The following TACR3 variants were observed in gnomAD, a reference collection of about 807,000 sequenced individuals.
The protein encoded by TACR3 is tachykinin receptor 3.
In TACR3, 34 loss-of-function variants were observed where a neutral mutation model predicts 35.0. The observed-to-expected ratio is 0.97, with a 90% CI of 0.74 to 1.30. TACR3 has a LOEUF of 1.30. Among genes scored for constraint, TACR3 ranks in the 50% most tolerant of loss-of-function variants. TACR3 has a pLI of 0.00. For missense variants in TACR3, 558 were observed against 591.7 expected (o/e 0.94, Z 0.59); for synonymous variants, 233 against 221.1 (o/e 1.05, Z -0.48).
intron 1 of TACR3, among the ~76,000 whole-genome samples, chr4:103,704,750 G>C (rs1722747461): frequency 6.6e-6 from 1 of 152,056 alleles, no homozygotes; most frequent in South Asian, 2.1e-4. Context: ...ACCATACCAA[G>C]TGCTAAAGAA....
chr4:103,652,063 G>T (rs1214626270), intron 3 of TACR3, among the ~76,000 whole-genome samples: 4 of 152,026 alleles, frequency 2.6e-5, no homozygotes, highest in Admixed American at 2.6e-4. Flanking sequence ...TTGTGGGGAG[G>T]TGGTACATGC....
At chr4:103,717,356 T>C (rs1723111769) in intron 1 of TACR3, among the ~76,000 whole-genome samples, 2 of 152,266 alleles carry the variant, frequency 1.3e-5, no homozygotes, top group Middle Eastern at 3.4e-3. Context: ...AATTTGTTAA[T>C]AGTTTTAATG....
At chr4:103,637,453 C>T (rs1454248349) in intron 3 of TACR3, among the ~76,000 whole-genome samples, 2 of 152,064 alleles carry the variant, frequency 1.3e-5, no homozygotes, top group African/African-American at 4.8e-5. Flanking sequence ...ATAATAAGAG[C>T]TATCTATGAC....
chr4:103,594,337 C>T (rs945518728), intron 3 of TACR3, among the ~76,000 whole-genome samples: 1 of 152,046 alleles, frequency 6.6e-6, no homozygotes, highest in Non-Finnish European at 1.5e-5. Context: ...GCCACCACGC[C>T]TGGCTAATTT....
intron 1 of TACR3, among the ~76,000 whole-genome samples, chr4:103,666,901 A>G (rs551710688): frequency 2.0e-5 from 3 of 152,294 alleles, no homozygotes; most frequent in South Asian, 2.1e-4. Context: ...AACCACTTCC[A>G]TAAGTAACTT....
At chr4:103,671,332 T>G (rs540419763) in intron 1 of TACR3, among the ~76,000 whole-genome samples, 2 of 152,162 alleles carry the variant, frequency 1.3e-5, no homozygotes, top group South Asian at 4.1e-4. Flanking sequence ...TCCCTCTTCC[T>G]AATATTTTCA....
rs1353289644 is a variant in TACR3, at chr4:103,658,407, T to C, written c.549-4A>G. On this transcript the variant is annotated splice_polypyrimidine_tract_variant and splice_region_variant and intron_variant, in intron 1 of 4. Transcript: ENST00000304883. The stretch of plus-strand genomic sequence containing the variant: ...GGGATCAATAATAGCCATATACCTA[T>C]ATAAAAACAAACAAAACCATTTCAT... The C allele has an allele frequency of 2.5e-6, 4 of 1,612,422 alleles. No individual in the cohort carries two copies. Among genetic ancestry groups the C allele is most frequent in the Admixed American group, 1.7e-5 (1 of 59,906 alleles).
intron 1 of TACR3, among the ~76,000 whole-genome samples, chr4:103,688,528 C>A (rs1234657752): frequency 2.0e-5 from 3 of 150,572 alleles, no homozygotes; most frequent in Admixed American, 6.6e-5. Context: ...CCAGAATCTA[C>A]AATGAACTCA....
intron 3 of TACR3, among the ~76,000 whole-genome samples, chr4:103,599,490 T>C (rs1466003709): frequency 2.0e-5 from 3 of 152,224 alleles, no homozygotes; most frequent in African/African-American, 4.8e-5. Context: ...TCCAACACTA[T>C]GTTGAATAGG....
intron 1 of TACR3, among the ~76,000 whole-genome samples, chr4:103,711,464 C>T (rs1410616477): frequency 1.3e-5 from 2 of 152,146 alleles, no homozygotes; most frequent in Non-Finnish European, 2.9e-5. Flanking sequence ...TAAGAACTCT[C>T]AATAAATTAG....
rs75773824 is a variant in TACR3 at position 103,625,913 on chromosome 4, G to C, written c.888+30281C>G. On this transcript the variant is annotated intron_variant, in intron 3 of 4. Transcript: ENST00000304883. ...TCCAAAAATAACTGTGCTTTTATCAGAAGAGATTAGGACACAGACCTGAAG... is the reference window on the plus strand; with the variant it reads ...TCCAAAAATAACTGTGCTTTTATCACAAGAGATTAGGACACAGACCTGAAG... Among the ~76,000 whole-genome samples the C allele has an allele frequency of 2.5e-3, 385 of 152,214 alleles. 1 individual carries two copies. The highest frequency in any genetic ancestry group is 8.9e-3 in the African/African-American group (371 of 41,522).
At chr4:103,649,441 A>G (rs1725533687) in intron 3 of TACR3, among the ~76,000 whole-genome samples, 1 of 151,920 alleles carries the variant, frequency 6.6e-6, no homozygotes, top group South Asian at 2.1e-4. Flanking sequence ...TAAGTTTTTA[A>G]TCCATTTAGA....
intron 1 of TACR3, among the ~76,000 whole-genome samples, chr4:103,696,165 A>G (rs756092045): frequency 3.3e-5 from 5 of 151,490 alleles, no homozygotes; most frequent in Admixed American, 2.0e-4. Context: ...TTAGGCTGTG[A>G]TTTTTTTTTA....
chr4:103,697,573 C>T (rs1445708898), intron 1 of TACR3, among the ~76,000 whole-genome samples: 2 of 151,816 alleles, frequency 1.3e-5, no homozygotes, highest in Non-Finnish European at 2.9e-5. Flanking sequence ...TACAGGCGCC[C>T]GCCACCACGC....
In TACR3 at chr4:103,589,891, G is replaced by T; in HGVS notation, c.1189C>A (p.Gln397Lys). ...CTGGTCACGGTGTACATACTGCTTTGCCGGTTTGGATGAAACCTGGTGGTC... is the reference window on the plus strand; with the variant it reads ...CTGGTCACGGTGTACATACTGCTTTTCCGGTTTGGATGAAACCTGGTGGTC... ...LKTTRFHPNR[Q>K]SSMYTVTRME... The change falls in exon 5 of 5, where the codon CAA becomes AAA. Residue 397 changes from glutamine (Q) to lysine (K), a missense_variant. By Grantham distance (53) the Gln-to-Lys change is moderately conservative. Coordinates refer to ENST00000304883, the MANE Select transcript of TACR3 (RefSeq NM_001059.3). 6.2e-7 allele frequency: 1 copy of T among 1,613,990 alleles called. No individual in the cohort carries two copies. The highest frequency in any genetic ancestry group is 1.3e-5 in the African/African-American group (1 of 75,040).
intron 3 of TACR3, among the ~76,000 whole-genome samples, chr4:103,609,495 A>T (rs186247395): frequency 3.5e-4 from 53 of 151,978 alleles, no homozygotes; most frequent in Middle Eastern, 3.4e-3. Context: ...ATTAACAGAT[A>T]ATGGTTGTAC....
intron 3 of TACR3, among the ~76,000 whole-genome samples, chr4:103,615,398 T>TGTGAGAGAGA (rs367881970): frequency 6.0e-5 from 7 of 117,228 alleles, no homozygotes; most frequent in African/African-American, 1.4e-4. Context: ...TGTGTGTGTG[T>TGTGAGAGAGA]GAGAGAGAGA....
chr4:103,603,805 C>G (rs1724272195), intron 3 of TACR3, among the ~76,000 whole-genome samples: 1 of 152,158 alleles, frequency 6.6e-6, no homozygotes, highest in Non-Finnish European at 1.5e-5. Flanking sequence ...TGAAAGCATT[C>G]CTATTTCTCC....
chr4:103,654,182 C>A (rs1016821957), intron 3 of TACR3, among the ~76,000 whole-genome samples: 2 of 151,710 alleles, frequency 1.3e-5, no homozygotes, highest in African/African-American at 4.9e-5. Flanking sequence ...TTTGACCCAG[C>A]CTTCCCATTA....
Sources: gnomAD v4.1 joint callset for allele counts (sites outside exome capture counted in the v4.1 genomes callset) on GRCh38, gnomAD v4.1.1 for gene constraint, MANE v1.5 for transcripts, NCBI Gene and HGNC (gene_info 2026-07-23, HGNC 2026-07-21) for gene names.